The following KIF1C variants were observed in gnomAD, a reference collection of about 807,000 sequenced individuals.
The protein encoded by KIF1C is kinesin family member 1C.
In KIF1C, 61 loss-of-function variants were observed where a neutral mutation model predicts 126.5. That is an observed-to-expected ratio of 0.48 (90% CI 0.39 to 0.60). KIF1C has a LOEUF of 0.60. KIF1C is among the 20% of genes least tolerant of loss of function. KIF1C has a pLI of 0.00. For synonymous variants in KIF1C, 640 were observed against 580.6 expected (o/e 1.10, Z -1.47); for missense variants, 1,315 against 1,489.2 (o/e 0.88, Z 1.93).
Position 5,023,479 on chromosome 17 carries a change from T to C in KIF1C, c.2640T>C (p.Asp880=), listed in dbSNP as rs1975134738. The C allele has an allele frequency of 6.2e-7, 1 of 1,607,852 alleles. No individual in the cohort carries two copies. Among genetic ancestry groups the C allele is most frequent in the South Asian group, 1.1e-5 (1 of 90,942 alleles). ...RVIPLAQDHE[D]ENEEGGEVPW... The stretch of plus-strand genomic sequence containing the variant: ...CTCCTCCCTCCCAGGATCATGAGGA[T>C]GAGAATGAAGAAGGTGGTGAGGTCC... Residue 880 remains aspartate, a synonymous_variant, in exon 23 of 23, where the codon GAT becomes GAC. Coordinates refer to ENST00000320785, the MANE Select transcript of KIF1C (RefSeq NM_006612.6). This position sits in a 1 kb window ranked among gnomAD's most constrained non-coding sequence, Gnocchi z 4.2.
Position 5,007,274 on chromosome 17 carries a change from G to C in KIF1C, c.1347G>C (p.Lys449Asn). The C allele has an allele frequency of 6.2e-7, 1 of 1,609,252 alleles. No homozygotes were observed. The highest frequency in any genetic ancestry group is 8.5e-7 in the Non-Finnish European group (1 of 1,177,684). ...EAMERLQETE[K>N]IIAELNETWE... ...CCTTACGCCCCCAGGAGACAGAGAA[G>C]ATTATAGCTGAGCTGAACGAGACAT... The change falls in exon 15 of 23, where the codon AAG (lysine) becomes AAC (asparagine). Residue 449 changes from lysine (K) to asparagine (N), a missense_variant. By Grantham distance (94) the Lys-to-Asn change is moderately conservative (BLOSUM62 0). Around this residue, in one of 2 missense-constraint regions of KIF1C, gnomAD observed 874 missense variants for 1,053.2 expected, o/e 0.83. Coordinates refer to ENST00000320785, the MANE Select transcript of KIF1C (RefSeq NM_006612.6).
At chr17:5,006,629 C>A (rs1189862317) in intron 13 of KIF1C, among the ~76,000 whole-genome samples, 1 of 152,182 alleles carries the variant, frequency 6.6e-6, no homozygotes, top group African/African-American at 2.4e-5. Flanking sequence ...AGTCACCACA[C>A]CTAGCCCCAC....
chr17:5,007,177 A>AGTAGCATGGCCCCAGGGTAGGTTGTCC, intron 14 of KIF1C, 86 bp from the exon 15 acceptor site: 1 of 1,565,798 alleles, frequency 6.4e-7, no homozygotes, highest in Non-Finnish European at 8.7e-7. Context: ...GAATTCTAGG[A>AGTAGCATGGCCCCAGGGTAGGTTGTCC]GTAGCATGGC....
At chr17:5,018,833 A>C (rs238282) in intron 18 of KIF1C, among the ~76,000 whole-genome samples, 12,583 of 152,162 alleles carry the variant, frequency 0.083, 722 homozygotes, top group East Asian at 0.19. Context: ...TATATCACCA[A>C]TGTATTTCTG....
At chr17:5,004,735 C>G (rs936699419) in intron 12 of KIF1C, 90 bp downstream of exon 12, 1 of 1,578,516 alleles carries the variant, frequency 6.3e-7, no homozygotes, top group Non-Finnish European at 8.7e-7. Flanking sequence ...GCTCGTGAGA[C>G]GGGGGAGATG....
At chr17:5,005,900 T>C (rs1219578015) in intron 13 of KIF1C, among the ~76,000 whole-genome samples, 1 of 151,804 alleles carries the variant, frequency 6.6e-6, no homozygotes, top group Admixed American at 6.6e-5. Context: ...CTAATTTTTG[T>C]ATTTTTAGTA....
intron 17 of KIF1C, 25 bp downstream of exon 17, chr17:5,013,757 G>T: frequency 6.3e-7 from 1 of 1,596,480 alleles, no homozygotes; most frequent in African/African-American, 1.3e-5. Context: ...GCGGCCTGGG[G>T]GGCAGCCTCT....
Position 5,023,847 on chromosome 17 carries a change from T to G in KIF1C, c.3008T>G (p.Leu1003Arg). ...GMGSGEAPTP[L>R]QPPEEVTPHP... The stretch of plus-strand genomic sequence containing the variant: ...GGGAGCGGGGAGGCTCCAACTCCGC[T>G]CCAACCCCCTGAGGAGGTCACTCCC... The change falls in exon 23 of 23, where the codon CTC (leucine) becomes CGC (arginine). Residue 1003 changes from leucine (L) to arginine (R), a missense_variant. Around this residue, in one of 2 missense-constraint regions of KIF1C, gnomAD observed 441 missense variants for 436.1 expected, o/e 1.01. Transcript: ENST00000320785. The surrounding 1 kb of genome is among the most constrained non-coding windows in gnomAD (Gnocchi z 4.2). 1 of 1,519,524 alleles carries G rather than the reference T, an allele frequency of 6.6e-7. No homozygotes were observed. The highest frequency in any genetic ancestry group is 1.3e-5 in the South Asian group (1 of 75,904). 94.1% of individuals were successfully genotyped at this position (1,519,524 alleles called of 1,614,324 possible). A position where few individuals can be genotyped will look rare whatever the true frequency, so the allele number is the denominator to read the frequency against.
intron 2 of KIF1C, 81 bp from the exon 3 acceptor site, chr17:5,000,139 T>C (rs552852146): frequency 4.3e-5 from 32 of 752,658 alleles, no homozygotes; most frequent in Non-Finnish European, 7.3e-5. Flanking sequence ...GTGAAGAGAC[T>C]GGTTCCGGGA....
chr17:5,014,749 C>T lies in KIF1C; in HGVS notation c.1578C>T (p.Gly526=), dbSNP rs1974936040. The T allele has an allele frequency of 1.3e-6, 2 of 1,591,180 alleles. No individual in the cohort carries two copies. Among genetic ancestry groups the T allele is most frequent in the Non-Finnish European group, 8.6e-7 (1 of 1,169,180 alleles). Residue 526 remains glycine, a synonymous_variant, in exon 18 of 23, where the codon GGC becomes GGT. Transcript: ENST00000320785. ...TTGGCCATTGCTTCCCCAGGGTCGG[C>T]CAAGTAGATATGGACATCAAGCTGA... ...YHIKDGVTRV[G]QVDMDIKLTG...
chr17:4,999,765 C>T (rs576846243), intron 1 of KIF1C, 85 bp from the exon 2 acceptor site: 118 of 172,756 alleles, frequency 6.8e-4, no homozygotes, highest in African/African-American at 2.7e-3. Flanking sequence ...CTATTCCCCC[C>T]GTAACCTTGG....
At position 5,022,606 on chromosome 17, in the gene KIF1C, G is replaced by A. The variant is rs776716271; in HGVS notation, c.2525G>A (p.Gly842Glu). 3.1e-6 allele frequency: 5 copies of A among 1,606,468 alleles called. No individual in the cohort carries two copies. The African/African-American group carries it at 6.7e-5, about 21-fold the overall frequency. The part of the protein sequence containing the change: ...DLRAHIDKLT[G>E]ILQEVKLQNS... ...CGGGCCCACATCGACAAGCTGACGG[G>A]GATTCTGCAGGAGGTGAAGCTGCAG... Residue 842 changes from glycine to glutamate, a missense_variant, in exon 22 of 23, where the codon GGG (glycine) becomes GAG (glutamate). Gly to Glu is a moderately conservative substitution (Grantham distance 98). Coordinates refer to ENST00000320785, the MANE Select transcript of KIF1C (RefSeq NM_006612.6). The surrounding 1 kb of genome is among the most constrained non-coding windows in gnomAD (Gnocchi z 4.9).
In KIF1C at chr17:5,002,552, T is replaced by TA; in HGVS notation, c.518_519insA (p.Leu174ProfsTer21). 1 of 1,614,096 alleles carries TA rather than the reference T, an allele frequency of 6.2e-7. No homozygotes were observed. Among genetic ancestry groups the TA allele is most frequent in the Non-Finnish European group, 8.5e-7 (1 of 1,179,984 alleles). ...TCTCTGCGGGTCCGGGAGCACCCCA[T>TA]CCTGGGCCCGTACGTGCAGGACCTG... On this transcript the variant is annotated frameshift_variant, in exon 7 of 23. Transcript: ENST00000320785. LOFTEE classifies it high-confidence loss of function.
At chr17:5,003,212 T>C (rs1301426709) in intron 8 of KIF1C, among the ~76,000 whole-genome samples, 1 of 151,942 alleles carries the variant, frequency 6.6e-6, no homozygotes, top group East Asian at 1.9e-4. Flanking sequence ...GCCCAGCTAA[T>C]TTTTTTGTAT....
chr17:5,005,302 T>C (rs1434004312), intron 13 of KIF1C, among the ~76,000 whole-genome samples: 1 of 152,226 alleles, frequency 6.6e-6, no homozygotes, highest in African/African-American at 2.4e-5. Context: ...AACAGTAAAT[T>C]GTTAAGAGGC....
chr17:5,007,606 G>C, intron 16 of KIF1C, 64 bp downstream of exon 16: 1 of 1,383,346 alleles, frequency 7.2e-7, no homozygotes, highest in Non-Finnish European at 9.9e-7. Context: ...AGAGGCAGCA[G>C]GTGCAGGGTA....
intron 16 of KIF1C, among the ~76,000 whole-genome samples, chr17:5,010,941 G>A (rs961909731): frequency 1.3e-5 from 2 of 151,592 alleles, no homozygotes; most frequent in Non-Finnish European, 2.9e-5. Flanking sequence ...CTCCCAAGTA[G>A]CTGGGACTAC....
At position 5,007,460 on chromosome 17, in the gene KIF1C, C is replaced by T; in HGVS notation, c.1416-7C>T. ...AAGACTGACATTTGCCTCTCCTCTG[C>T]CCACAGAGAAGCATTGCTGGCTGAG... On this transcript the variant is annotated splice_polypyrimidine_tract_variant and splice_region_variant and intron_variant, in intron 15 of 22. Transcript: ENST00000320785. 1.9e-6 allele frequency: 3 copies of T among 1,596,778 alleles called. No individual in the cohort carries two copies. Among genetic ancestry groups the T allele is most frequent in the Non-Finnish European group, 2.6e-6 (3 of 1,170,324 alleles).
intron 18 of KIF1C, among the ~76,000 whole-genome samples, chr17:5,016,379 G>A (rs751375994): frequency 4.6e-5 from 7 of 151,426 alleles, no homozygotes; most frequent in Non-Finnish European, 8.8e-5. Flanking sequence ...ACCTCCCAAG[G>A]TGCTGGGATT....
Sources: allele counts gnomAD v4.1 joint callset (sites outside exome capture counted in the v4.1 genomes callset), GRCh38; gene constraint gnomAD v4.1.1; regional missense constraint gnomAD v4.1.1; non-coding constraint Gnocchi (gnomAD v3.1); transcripts MANE v1.5; gene names NCBI Gene and HGNC (gene_info 2026-07-23, HGNC 2026-07-21).